Variants in MAP2 observed in about 807,000 individuals in gnomAD.
MAP2 encodes the protein microtubule associated protein 2, also known as microtubule-associated protein 2.
Under a neutral mutation model 137.6 loss-of-function variants are expected in MAP2, and 14 were observed. That is an observed-to-expected ratio of 0.10 (90% confidence interval 0.07 to 0.16). The LOEUF (loss-of-function observed/expected upper bound fraction) is 0.16, where lower values mean the gene tolerates loss of function less well. MAP2 is among the 10% of genes least tolerant of loss of function. MAP2 has a pLI of 1.00. For missense variants in MAP2, 2,088 were observed against 2,191.5 expected (o/e 0.95, Z 0.94); for synonymous variants, 786 against 782.3 (o/e 1.00, Z -0.08).
At chr2:209,596,628 G>A (rs893924082) in intron 3 of MAP2, among the ~76,000 whole-genome samples, 9 of 152,140 alleles carry the variant, frequency 5.9e-5, no homozygotes, top group Non-Finnish European at 1.3e-4. Flanking sequence ...TCAAATATTG[G>A]CATAGCTGAG....
At chr2:209,470,050 G>T (rs1705257836) in intron 1 of MAP2, among the ~76,000 whole-genome samples, 1 of 152,098 alleles carries the variant, frequency 6.6e-6, no homozygotes, top group Non-Finnish European at 1.5e-5. Flanking sequence ...CCACCTACCA[G>T]TTTTATTATG....
intron 13 of MAP2, among the ~76,000 whole-genome samples, chr2:209,714,702 C>A (rs546658904): frequency 1.3e-5 from 2 of 152,284 alleles, no homozygotes; most frequent in African/African-American, 4.8e-5. Flanking sequence ...TATTAGATGT[C>A]AGAGATATCC....
intron 7 of MAP2, among the ~76,000 whole-genome samples, chr2:209,682,261 C>T (rs1244920470): frequency 2.6e-5 from 4 of 151,996 alleles, no homozygotes; most frequent in African/African-American, 7.2e-5. Flanking sequence ...GAGGCCGAGG[C>T]GGGCAGATCA....
At chr2:209,583,882 C>T (rs1475989566) in intron 3 of MAP2, among the ~76,000 whole-genome samples, 2 of 151,556 alleles carry the variant, frequency 1.3e-5, no homozygotes, top group African/African-American at 4.8e-5. Context: ...CACCCAGGTA[C>T]TGAGGATAGT....
chr2:209,463,505 C>T (rs1010161380), intron 1 of MAP2, among the ~76,000 whole-genome samples: 3 of 151,988 alleles, frequency 2.0e-5, no homozygotes, highest in Admixed American at 1.3e-4. Context: ...CATATTCTTT[C>T]CTTGTGAATT....
intron 1 of MAP2, among the ~76,000 whole-genome samples, chr2:209,473,452 G>A (rs996093838): frequency 2.6e-5 from 4 of 152,060 alleles, no homozygotes; most frequent in Non-Finnish European, 5.9e-5. Flanking sequence ...TCTACAGCAG[G>A]ACCTAGGAGG....
chr2:209,580,001 T>TAC (rs1407353934), intron 2 of MAP2, 35 bp from the exon 3 acceptor site: 1 of 149,992 alleles, frequency 6.7e-6, no homozygotes, highest in Non-Finnish European at 1.5e-5. Context: ...TCCATATATA[T>TAC]ATATATATAT....
At chr2:209,603,468 G>T (rs913128132) in intron 3 of MAP2, among the ~76,000 whole-genome samples, 2 of 152,066 alleles carry the variant, frequency 1.3e-5, no homozygotes, top group African/African-American at 4.8e-5. Context: ...TGAACAATCT[G>T]CCCCCAGTGA....
At chr2:209,620,823 A>G (rs1052738910) in intron 3 of MAP2, among the ~76,000 whole-genome samples, 14 of 152,198 alleles carry the variant, frequency 9.2e-5, no homozygotes, top group African/African-American at 3.4e-4. Context: ...GAGGTGGAGT[A>G]CAATGTTATT....
At chr2:209,436,722 A>G (rs769966180) in intron 1 of MAP2, among the ~76,000 whole-genome samples, 8 of 151,666 alleles carry the variant, frequency 5.3e-5, no homozygotes, top group Non-Finnish European at 8.9e-5. Context: ...CTAAGCCACT[A>G]GCTTGGTTTT....
At chr2:209,491,162 A>G (rs1236977236) in intron 1 of MAP2, among the ~76,000 whole-genome samples, 1 of 152,204 alleles carries the variant, frequency 6.6e-6, no homozygotes, top group Non-Finnish European at 1.5e-5. Flanking sequence ...CTGCATAACT[A>G]CAGGGAAACC....
intron 2 of MAP2, among the ~76,000 whole-genome samples, chr2:209,538,461 A>AT (rs201978935): frequency 6.1e-5 from 9 of 147,508 alleles, no homozygotes; most frequent in African/African-American, 1.0e-4. Context: ...AATGTCTGCT[A>AT]TTTTTTTTTC....
chr2:209,543,437 C>T (rs1456533329), intron 2 of MAP2, among the ~76,000 whole-genome samples: 5 of 152,100 alleles, frequency 3.3e-5, no homozygotes, highest in Admixed American at 6.6e-5. Context: ...AAAATGGCAC[C>T]GATGGACTTG....
chr2:209,452,387 C>T (rs573584068), intron 1 of MAP2, among the ~76,000 whole-genome samples: 11 of 152,270 alleles, frequency 7.2e-5, no homozygotes, highest in Middle Eastern at 3.4e-3. Flanking sequence ...GTCAGGAACT[C>T]TCCTCTTTCC....
At chr2:209,505,456 T>C (rs2060915495) in intron 1 of MAP2, among the ~76,000 whole-genome samples, 1 of 152,206 alleles carries the variant, frequency 6.6e-6, no homozygotes, top group South Asian at 2.1e-4. Context: ...TTAATTTTTT[T>C]ATGGAAACAA....
intron 3 of MAP2, among the ~76,000 whole-genome samples, chr2:209,608,969 T>G (rs1183450598): frequency 6.6e-6 from 1 of 152,102 alleles, no homozygotes; most frequent in Non-Finnish European, 1.5e-5. Flanking sequence ...TAATTAAAAT[T>G]GAATGTAATA....
intron 1 of MAP2, among the ~76,000 whole-genome samples, chr2:209,499,351 AT>A (rs1367963197): frequency 5.3e-5 from 8 of 152,090 alleles, no homozygotes; most frequent in Non-Finnish European, 1.2e-4. Context: ...ATCAGCCTGG[AT>A]TTTGCTGTCC....
intron 3 of MAP2, among the ~76,000 whole-genome samples, chr2:209,604,875 G>A (rs1383824431): frequency 2.6e-5 from 4 of 152,186 alleles, no homozygotes; most frequent in Admixed American, 1.3e-4. Context: ...TCTGCAGACC[G>A]AAATAAACTC....
intron 2 of MAP2, among the ~76,000 whole-genome samples, chr2:209,560,506 G>A (rs1412639617): frequency 1.3e-5 from 2 of 149,214 alleles, no homozygotes; most frequent in Non-Finnish European, 1.5e-5. Context: ...TTGAGATAGG[G>A]TGTCATTCTG....
Sources: allele counts gnomAD v4.1 joint callset (sites outside exome capture counted in the v4.1 genomes callset), GRCh38; gene constraint gnomAD v4.1.1; transcripts MANE v1.5; gene names NCBI Gene and HGNC (gene_info 2026-07-23, HGNC 2026-07-21).